Variants in PRKAR2B observed in about 807,000 individuals in gnomAD.
PRKAR2B encodes protein kinase cAMP-dependent type II regulatory subunit beta, also known as cAMP-dependent protein kinase type II-beta regulatory subunit.
In PRKAR2B, 14 loss-of-function variants were observed where a neutral mutation model predicts 49.9. That is an observed-to-expected ratio of 0.28 (90% CI 0.19 to 0.44). PRKAR2B has a LOEUF of 0.44. Ranked by LOEUF, PRKAR2B falls within the 20% of genes least tolerant of loss-of-function variation. PRKAR2B has a pLI of 1.00. For synonymous variants in PRKAR2B, 196 were observed against 197.7 expected (o/e 0.99, Z 0.07); for missense variants, 393 against 537.9 (o/e 0.73, Z 2.67).
intron 2 of PRKAR2B, among the ~76,000 whole-genome samples, chr7:107,082,850 T>A (rs2116790550): frequency 6.6e-6 from 1 of 152,262 alleles, no homozygotes; most frequent in Non-Finnish European, 1.5e-5. Flanking sequence ...AGTGCCCGCC[T>A]TGGTCTCCCA....
intron 7 of PRKAR2B, among the ~76,000 whole-genome samples, 167 bp downstream of exon 7, chr7:107,151,190 T>C (rs968973717): frequency 6.6e-6 from 1 of 152,264 alleles, no homozygotes; most frequent in Non-Finnish European, 1.5e-5. Flanking sequence ...TTGTTTCTTC[T>C]GCTATCTATA....
chr7:107,146,773 C>A (rs1056440659), intron 6 of PRKAR2B, among the ~76,000 whole-genome samples: 2 of 152,154 alleles, frequency 1.3e-5, no homozygotes, highest in African/African-American at 4.8e-5. Flanking sequence ...GCCTTAAGTA[C>A]TTTTTCTCAG....
At position 107,146,640 on chromosome 7, in the gene PRKAR2B, G is replaced by A. The variant is rs534913161; in HGVS notation, c.741+179G>A. Reference sequence around the variant, plus strand: ...AGACTTCACTAAGTCAGATCCTGATGTCATTGCCCCCACTCCTCCAGTCCA... The same window carrying A: ...AGACTTCACTAAGTCAGATCCTGATATCATTGCCCCCACTCCTCCAGTCCA... On this transcript the variant is annotated intron_variant, in intron 6 of 10. Transcript: ENST00000265717. Among the ~76,000 whole-genome samples, 3 of 152,296 alleles carry A rather than the reference G, an allele frequency of 2.0e-5. No homozygotes were observed. The East Asian group carries it at 5.8e-4, about 29-fold the overall frequency.
intron 2 of PRKAR2B, among the ~76,000 whole-genome samples, chr7:107,094,918 A>G (rs754930438): frequency 2.0e-5 from 3 of 152,028 alleles, no homozygotes; most frequent in Non-Finnish European, 2.9e-5. Flanking sequence ...GCCTTGTAGG[A>G]TAGTTTGAAG....
intron 5 of PRKAR2B, 152 bp from the exon 6 acceptor site, chr7:107,146,156 C>A: frequency 1.3e-6 from 1 of 756,762 alleles, no homozygotes. Flanking sequence ...TGGTCTGGAA[C>A]AGATGGCACA....
intron 1 of PRKAR2B, among the ~76,000 whole-genome samples, chr7:107,067,492 A>G (rs1372729784): frequency 1.3e-5 from 2 of 152,244 alleles, no homozygotes; most frequent in Non-Finnish European, 2.9e-5. Flanking sequence ...TGAAAATCAT[A>G]GACTTACAAC....
intron 2 of PRKAR2B, among the ~76,000 whole-genome samples, chr7:107,094,740 C>A (rs1562854752): frequency 6.6e-6 from 1 of 152,126 alleles, no homozygotes; most frequent in Non-Finnish European, 1.5e-5. Flanking sequence ...AACCAGTTTC[C>A]CCAGCACCAT....
chr7:107,102,101 GGAGGCT>G (rs1199513338), intron 2 of PRKAR2B, among the ~76,000 whole-genome samples: 1 of 152,128 alleles, frequency 6.6e-6, no homozygotes, highest in Non-Finnish European at 1.5e-5. Context: ...CAGCTACTCT[GGAGGCT>G]GAGGCAGAGA....
intron 2 of PRKAR2B, among the ~76,000 whole-genome samples, chr7:107,106,535 A>G (rs1042475498): frequency 2.0e-5 from 3 of 152,214 alleles, no homozygotes; most frequent in Admixed American, 6.5e-5. Context: ...TCTCCTTTGC[A>G]TAAAGCCAAA....
At chr7:107,139,040 A>G (rs1168674140) in intron 4 of PRKAR2B, among the ~76,000 whole-genome samples, 1 of 151,682 alleles carries the variant, frequency 6.6e-6, no homozygotes, top group Non-Finnish European at 1.5e-5. Flanking sequence ...CAAGCCACCC[A>G]TTTTTCTCTG....
chr7:107,144,048 C>A (rs1795839422), intron 5 of PRKAR2B, among the ~76,000 whole-genome samples: 1 of 143,382 alleles, frequency 7.0e-6, no homozygotes, highest in Non-Finnish European at 1.5e-5. Context: ...AAAACCAATT[C>A]TTTTCTTATT....
intron 2 of PRKAR2B, among the ~76,000 whole-genome samples, chr7:107,117,135 C>T (rs1795290381): frequency 6.7e-6 from 1 of 148,272 alleles, no homozygotes; most frequent in Non-Finnish European, 1.5e-5. Context: ...GAACGTATAT[C>T]TGTGCTTTAT....
In PRKAR2B at chr7:107,044,773, C is replaced by G. The variant is rs941098426; in HGVS notation, c.-135C>G. The G allele has an allele frequency of 6.3e-5, 27 of 425,332 alleles. No homozygotes were observed. The highest frequency in any genetic ancestry group is 1.0e-3 in the Middle Eastern group (1 of 994). The allele number at this position is 425,332 out of a possible 1,614,324, so 26.3% of individuals were successfully genotyped here. A position where few individuals can be genotyped will look rare whatever the true frequency, so the allele number is the denominator to read the frequency against. On this transcript the variant is annotated 5_prime_UTR_variant, in exon 1 of 11. Coordinates refer to ENST00000265717, the MANE Select transcript of PRKAR2B (RefSeq NM_002736.3). ...CCGCGGGCCGGGCCAGCCGGGCCGCCGGGGCCCAGTGCGCCGCGCTCGCAG... is the reference window on the plus strand; with the variant it reads ...CCGCGGGCCGGGCCAGCCGGGCCGCGGGGGCCCAGTGCGCCGCGCTCGCAG...
Position 107,117,430 on chromosome 7 carries a change from A to G in PRKAR2B, c.344-4522A>G, listed in dbSNP as rs185200777. 3.9e-3 allele frequency among the ~76,000 whole-genome samples: 596 copies of G among 152,194 alleles called. 4 individuals carry two copies. Among genetic ancestry groups the G allele is most frequent in the African/African-American group, 0.014 (563 of 41,532 alleles). ...ACTTTTATATATTTTATGGAAGTCA[A>G]TTTTTCTAGATTGAAGGCCTCTAAA... On this transcript the variant is annotated intron_variant, in intron 2 of 10. Transcript: ENST00000265717.
intron 2 of PRKAR2B, among the ~76,000 whole-genome samples, chr7:107,105,251 C>T (rs1795050856): frequency 6.6e-6 from 1 of 152,106 alleles, no homozygotes; most frequent in African/African-American, 2.4e-5. Context: ...TTTTCTTTAC[C>T]TGTATGAAGG....
chr7:107,084,124 G>A (rs1330270559), intron 2 of PRKAR2B, among the ~76,000 whole-genome samples: 1 of 152,166 alleles, frequency 6.6e-6, no homozygotes, highest in Non-Finnish European at 1.5e-5. Context: ...CAATAAAGCA[G>A]AGAAAAGACA....
At chr7:107,145,620 T>A (rs528486540) in intron 5 of PRKAR2B, among the ~76,000 whole-genome samples, 1 of 152,160 alleles carries the variant, frequency 6.6e-6, no homozygotes, top group African/African-American at 2.4e-5. Flanking sequence ...GATCTTGCTA[T>A]GTTGCCCAGG....
chr7:107,049,941 G>A (rs1309926596), intron 1 of PRKAR2B, among the ~76,000 whole-genome samples: 4 of 152,116 alleles, frequency 2.6e-5, no homozygotes, highest in African/African-American at 9.7e-5. Flanking sequence ...AAACAATAGT[G>A]TCAGAAAAGA....
At chr7:107,082,053 G>T (rs1423865423) in intron 2 of PRKAR2B, 1 of 151,586 alleles carries the variant, frequency 6.6e-6, no homozygotes, top group Admixed American at 6.6e-5. Context: ...CAGCTTACCA[G>T]ACGTGCTGAG....
Sources: gnomAD v4.1 joint callset for allele counts (sites outside exome capture counted in the v4.1 genomes callset) on GRCh38, gnomAD v4.1.1 for gene constraint, MANE v1.5 for transcripts, NCBI Gene and HGNC (gene_info 2026-07-23, HGNC 2026-07-21) for gene names.